Variants in GMIP observed in about 807,000 individuals in gnomAD.
The protein encoded by GMIP is GEM interacting protein, also known as GEM-interacting protein.
A neutral mutation model predicts 105.3 loss-of-function variants in GMIP; 54 were observed. That is an observed-to-expected ratio of 0.51 (90% CI 0.41 to 0.64). The LOEUF is 0.64. Among genes scored for constraint, GMIP ranks in the 30% least tolerant of loss-of-function variants. The probability of loss-of-function intolerance (pLI) is 0.00; values close to 1 mark genes in which losing one functional copy is unlikely to be tolerated. For missense variants in GMIP, 1,110 were observed against 1,319.4 expected (o/e 0.84, Z 2.46); for synonymous variants, 541 against 560.8 (o/e 0.96, Z 0.50).
intron 7 of GMIP, among the ~76,000 whole-genome samples, chr19:19,639,061 T>TA (rs1452518958): frequency 6.6e-6 from 1 of 151,414 alleles, no homozygotes; most frequent in Non-Finnish European, 1.5e-5. Flanking sequence ...GCCTGGATGA[T>TA]AAAGTGAGAC....
Position 19,637,012 on chromosome 19 carries a change from C to G in GMIP, c.1142G>C (p.Arg381Thr). 6.4e-7 allele frequency: 1 copy of G among 1,572,154 alleles called. No individual in the cohort carries two copies. Among genetic ancestry groups the G allele is most frequent in the Non-Finnish European group, 8.6e-7 (1 of 1,157,292 alleles). ...AGGAAGAGGCCCAGAGAGCTTCTTTCTGATGTCCAGAGGGGAGCTGAGAAG... is the reference window on the plus strand; with the variant it reads ...AGGAAGAGGCCCAGAGAGCTTCTTTGTGATGTCCAGAGGGGAGCTGAGAAG... ...PSLNSSPLDI[R>T]KKLSGPLPPR... The change falls in exon 12 of 21, where the codon AGA becomes ACA. Residue 381 changes from arginine to threonine, a missense_variant. By Grantham distance (71) the Arg-to-Thr change is moderately conservative (BLOSUM62 -1). Coordinates refer to ENST00000203556, the MANE Select transcript of GMIP (RefSeq NM_016573.4). The surrounding 1 kb of genome is among the most constrained non-coding windows in gnomAD (Gnocchi z 6.7).
Position 19,634,255 on chromosome 19 carries a change from G to A in GMIP, c.2085-65C>T. 1 of 1,477,352 alleles carries A rather than the reference G, an allele frequency of 6.8e-7. No homozygotes were observed. The allele number at this position is 1,477,352 out of a possible 1,614,324, so 91.5% of individuals were successfully genotyped here. A position where few individuals can be genotyped will look rare whatever the true frequency, so the allele number is the denominator to read the frequency against. ...CAAGCTCATTGGTCTGAGGGTAAGG[G>A]TGGGACACGCAGGCCAGCCTAGAGG... is the stretch of plus-strand genomic sequence containing the variant. On this transcript the variant is annotated intron_variant, in intron 18 of 20. Transcript: ENST00000203556. This position sits in a 1 kb window ranked among gnomAD's most constrained non-coding sequence, Gnocchi z 6.1.
chr19:19,635,107 A>G lies in GMIP; in HGVS notation c.1667T>C (p.Leu556Pro). The change falls in exon 16 of 21, where the codon CTA becomes CCA. Residue 556 changes from leucine (L) to proline (P), a missense_variant. Transcript: ENST00000203556. This position sits in a 1 kb window ranked among gnomAD's most constrained non-coding sequence, Gnocchi z 4.7. ...TPLFGVDFLQ[L>P]PRDFPEEVPF... ...TACCTCCTCCGGGAAGTCCCTGGGT[A>G]GCTGCAGGAAGTCAACCCCAAAAAG... is the stretch of plus-strand genomic sequence containing the variant. 1 of 1,613,978 alleles carries G rather than the reference A, an allele frequency of 6.2e-7. No individual in the cohort carries two copies. Among genetic ancestry groups the G allele is most frequent in the Non-Finnish European group, 8.5e-7 (1 of 1,179,924 alleles).
chr19:19,642,067 G>A lies in GMIP; in HGVS notation c.105-16C>T, dbSNP rs1019364565. On this transcript the variant is annotated splice_polypyrimidine_tract_variant and intron_variant, in intron 2 of 20. Transcript: ENST00000203556. ...CTCAAGGGTCCTGGGGGATAAAGGTGTGTCAGGATGCCACCTTACACCCAG... is the reference window on the plus strand; with the variant it reads ...CTCAAGGGTCCTGGGGGATAAAGGTATGTCAGGATGCCACCTTACACCCAG... 5.0e-6 allele frequency: 8 copies of A among 1,586,104 alleles called. No individual in the cohort carries two copies. In the African/African-American group the frequency reaches 1.1e-4, roughly 21 times the overall value.
chr19:19,640,421 G>T, intron 5 of GMIP, 25 bp downstream of exon 5: 1 of 1,614,088 alleles, frequency 6.2e-7, no homozygotes, highest in Non-Finnish European at 8.5e-7. Context: ...CCTGGTAACT[G>T]GGGCTGGGCG....
rs2061904873 is a variant in GMIP, at chr19:19,640,299, C to T, written c.426G>A (p.Gln142=). ...IAEAGKVSIQ[Q]QSHMPLQYIY... is the part of the protein sequence containing the mutation. The stretch of plus-strand genomic sequence containing the variant: ...GGGGGGGTCTGGTCATGACTACCTG[C>T]TGTTGAATGGACACCTTGCCAGCTT... Residue 142 remains glutamine (Q), a synonymous_variant, in exon 6 of 21, where the codon CAG becomes CAA. Coordinates refer to ENST00000203556, the MANE Select transcript of GMIP (RefSeq NM_016573.4). 1.1e-5 allele frequency: 17 copies of T among 1,613,602 alleles called. No homozygotes were observed. The highest frequency in any genetic ancestry group is 1.4e-5 in the Non-Finnish European group (17 of 1,179,790).
chr19:19,634,551 G>T lies in GMIP; in HGVS notation c.2040C>A (p.Asp680Glu). 1 of 1,613,506 alleles carries T rather than the reference G, an allele frequency of 6.2e-7. No individual in the cohort carries two copies. Among genetic ancestry groups the T allele is most frequent in the Non-Finnish European group, 8.5e-7 (1 of 1,179,836 alleles). ...GGTGCCGCAGGGTGTTGTAGTTAGA[G>T]TCAGGCAGCTGTACCAAGAGGGTCT... ...SLKTLLVQLP[D>E]SNYNTLRHLV... Residue 680 changes from aspartate (D) to glutamate (E), a missense_variant, in exon 18 of 21, where the codon GAC becomes GAA. Asp to Glu is a conservative substitution (Grantham distance 45). Coordinates refer to ENST00000203556, the MANE Select transcript of GMIP (RefSeq NM_016573.4). This position sits in a 1 kb window ranked among gnomAD's most constrained non-coding sequence, Gnocchi z 6.1.
At chr19:19,636,332 G>A (rs1421486729) in intron 13 of GMIP, among the ~76,000 whole-genome samples, 1 of 151,992 alleles carries the variant, frequency 6.6e-6, no homozygotes, top group African/African-American at 2.4e-5. Context: ...AGATCAGCCT[G>A]GCCAACATGG....
In GMIP at chr19:19,643,617, AGCCGCC is replaced by A; in HGVS notation, c.-94_-89del. 1 of 1,206,084 alleles carries A rather than the reference AGCCGCC, an allele frequency of 8.3e-7. No homozygotes were observed. Among genetic ancestry groups the A allele is most frequent in the Non-Finnish European group, 1.2e-6 (1 of 866,332 alleles). The allele number at this position is 1,206,084 out of a possible 1,614,324, so 74.7% of individuals were successfully genotyped here. ...CCGAGCCCCGATTTCCTGCCGCCGC[AGCCGCC>A]GCCGCCGCCTCGGTTCCGCGTCGCC... On this transcript the variant is annotated 5_prime_UTR_variant, in exon 1 of 21. Coordinates refer to ENST00000203556, the MANE Select transcript of GMIP (RefSeq NM_016573.4).
chr19:19,633,119 C>G (rs925707505), intron 19 of GMIP, among the ~76,000 whole-genome samples: 1 of 150,556 alleles, frequency 6.6e-6, no homozygotes, highest in African/African-American at 2.4e-5. Context: ...AGTGCAGTGG[C>G]ATGCTCTCGG....
chr19:19,634,465 G>A lies in GMIP; in HGVS notation c.2084+42C>T, dbSNP rs771569354. Reference sequence around the variant, plus strand: ...AGGGAAGTTAGTAGTCGCATGTCCAGGGAAAAGGGTCGCGTTTCAAGGCTC... The same window carrying A: ...AGGGAAGTTAGTAGTCGCATGTCCAAGGAAAAGGGTCGCGTTTCAAGGCTC... On this transcript the variant is annotated intron_variant, in intron 18 of 20. Transcript: ENST00000203556. The surrounding 1 kb of genome is among the most constrained non-coding windows in gnomAD (Gnocchi z 6.1). The A allele has an allele frequency of 2.3e-5, 35 of 1,530,292 alleles. No individual in the cohort carries two copies. The highest frequency in any genetic ancestry group is 3.5e-4 in the Middle Eastern group (2 of 5,714). The allele number at this position is 1,530,292 out of a possible 1,614,324, so 94.8% of individuals were successfully genotyped here. A position where few individuals can be genotyped will look rare whatever the true frequency, so the allele number is the denominator to read the frequency against.
chr19:19,629,783 A>G lies in GMIP; in HGVS notation c.*180T>C. The G allele has an allele frequency of 3.2e-6, 2 of 629,760 alleles. No individual in the cohort carries two copies. The highest frequency in any genetic ancestry group is 2.8e-5 in the East Asian group (1 of 35,220). The allele number at this position is 629,760 out of a possible 1,614,324, so 39.0% of individuals were successfully genotyped here. A position where few individuals can be genotyped will look rare whatever the true frequency, so the allele number is the denominator to read the frequency against. The stretch of plus-strand genomic sequence containing the variant: ...GGGGGACTCTGGGACATTATCCCCA[A>G]AAGGGTTTTAGGCCTCCCCTAGGTC... On this transcript the variant is annotated 3_prime_UTR_variant, in exon 21 of 21. Transcript: ENST00000203556.
At chr19:19,639,366 C>A (rs950081519) in intron 7 of GMIP, among the ~76,000 whole-genome samples, 1 of 151,858 alleles carries the variant, frequency 6.6e-6, no homozygotes, top group Non-Finnish European at 1.5e-5. Flanking sequence ...CAGGCATGAG[C>A]CACCGTGCCA....
At chr19:19,631,583 C>A (rs548548888) in intron 19 of GMIP, among the ~76,000 whole-genome samples, 56 of 152,358 alleles carry the variant, frequency 3.7e-4, no homozygotes, top group African/African-American at 1.3e-3. Flanking sequence ...AAGATACCAG[C>A]AGCACAGGCC....
At chr19:19,640,662 C>T in intron 4 of GMIP, 91 bp from the exon 5 acceptor site, 1 of 1,315,140 alleles carries the variant, frequency 7.6e-7, no homozygotes, top group Admixed American at 1.8e-5. Context: ...TGGCACCTGT[C>T]CTACAGCCTC....
At chr19:19,639,221 A>G (rs2061891943) in intron 7 of GMIP, among the ~76,000 whole-genome samples, 1 of 151,422 alleles carries the variant, frequency 6.6e-6, no homozygotes, top group Non-Finnish European at 1.5e-5. Flanking sequence ...AGACATGTGC[A>G]CCAGGCCCAG....
chr19:19,633,130 C>T (rs1442242984), intron 19 of GMIP, among the ~76,000 whole-genome samples: 4 of 151,316 alleles, frequency 2.6e-5, no homozygotes, highest in Admixed American at 1.3e-4. Flanking sequence ...ATGCTCTCGG[C>T]TCACTAAAAC....
intron 19 of GMIP, among the ~76,000 whole-genome samples, chr19:19,631,932 G>A (rs537866664): frequency 3.6e-4 from 55 of 151,016 alleles, no homozygotes; most frequent in Non-Finnish European, 7.4e-4. Context: ...AGCTTGCAGT[G>A]AGCCAAGATG....
intron 4 of GMIP, among the ~76,000 whole-genome samples, chr19:19,641,330 C>T (rs2061917152): frequency 6.6e-6 from 1 of 152,140 alleles, no homozygotes; most frequent in Admixed American, 6.5e-5. Flanking sequence ...GGTCCACCCG[C>T]CTCAGCCTCC....
Sources: gnomAD v4.1 joint callset for allele counts (sites outside exome capture counted in the v4.1 genomes callset) on GRCh38, gnomAD v4.1.1 for gene constraint, Gnocchi (gnomAD v3.1) non-coding constraint, MANE v1.5 for transcripts, NCBI Gene and HGNC (gene_info 2026-07-23, HGNC 2026-07-21) for gene names.